The following ETV1 variants were observed in gnomAD, a reference collection of about 807,000 sequenced individuals.
ETV1 encodes the protein ETS variant transcription factor 1, also known as ETS translocation variant 1.
A neutral mutation model predicts 62.3 loss-of-function variants in ETV1; 27 were observed. That is an observed-to-expected ratio of 0.43 (90% CI 0.32 to 0.60). The LOEUF is 0.60. Ranked by LOEUF, ETV1 falls within the 20% of genes least tolerant of loss-of-function variation. The probability of loss-of-function intolerance (pLI) is 0.06; values close to 1 mark genes in which losing one functional copy is unlikely to be tolerated. For missense variants in ETV1, 605 were observed against 605.8 expected (o/e 1.00, Z 0.01); for synonymous variants, 222 against 199.6 (o/e 1.11, Z -0.94).
intron 6 of ETV1, among the ~76,000 whole-genome samples, chr7:13,960,047 T>C (rs1304225005): frequency 6.6e-6 from 1 of 151,890 alleles, no homozygotes; most frequent in Non-Finnish European, 1.5e-5. Flanking sequence ...TTCACAGATC[T>C]GTAATGTATT....
At chr7:13,946,670 G>C (rs187857748) in intron 6 of ETV1, among the ~76,000 whole-genome samples, 1 of 152,122 alleles carries the variant, frequency 6.6e-6, no homozygotes, top group African/African-American at 2.4e-5. Context: ...AAGCAACAAT[G>C]CTGGTATACA....
At chr7:13,982,011 T>C (rs981811493) in intron 5 of ETV1, among the ~76,000 whole-genome samples, 3 of 152,068 alleles carry the variant, frequency 2.0e-5, no homozygotes, top group African/African-American at 7.2e-5. Flanking sequence ...TGCAGAAGTA[T>C]AAACATATTT....
intron 12 of ETV1, among the ~76,000 whole-genome samples, chr7:13,902,037 C>A (rs182653889): frequency 6.6e-6 from 1 of 152,264 alleles, no homozygotes; most frequent in African/African-American, 2.4e-5. Context: ...GCTTTTCCTA[C>A]CCCAGCTAAA....
intron 3 of ETV1, chr7:13,988,595 GAAA>G (rs34468165): frequency 3.8e-4 from 308 of 810,116 alleles, no homozygotes; most frequent in Middle Eastern, 1.2e-3. Flanking sequence ...GTAGAGAAAT[GAAA>G]AAAAAAAAAA....
intron 12 of ETV1, among the ~76,000 whole-genome samples, chr7:13,901,418 A>C (rs1782412056): frequency 6.6e-6 from 1 of 152,196 alleles, no homozygotes; most frequent in Non-Finnish European, 1.5e-5. Flanking sequence ...ATGTTCTTAC[A>C]ACAGGAATGA....
intron 6 of ETV1, among the ~76,000 whole-genome samples, chr7:13,949,259 T>G (rs1256888085): frequency 3.3e-5 from 5 of 151,964 alleles, no homozygotes; most frequent in Admixed American, 2.0e-4. Context: ...GCATGAAAAA[T>G]GCACACAGCC....
At chr7:13,952,584 A>G (rs879356513) in intron 6 of ETV1, among the ~76,000 whole-genome samples, 2 of 152,170 alleles carry the variant, frequency 1.3e-5, no homozygotes, top group African/African-American at 4.8e-5. Flanking sequence ...CGTTAGAAAG[A>G]GGTACATGTA....
chr7:13,912,240 G>A (rs1384517849), intron 9 of ETV1, among the ~76,000 whole-genome samples: 3 of 152,180 alleles, frequency 2.0e-5, no homozygotes, highest in African/African-American at 7.2e-5. Flanking sequence ...CCCAGAGTGG[G>A]AGAAAAGGAG....
intron 12 of ETV1, 47 bp downstream of exon 12, chr7:13,906,381 TTA>T (rs758040765): frequency 3.2e-6 from 4 of 1,247,884 alleles, no homozygotes; most frequent in Non-Finnish European, 3.2e-6. Flanking sequence ...GTCAGTTTCT[TTA>T]TGTTATAACA....
intron 12 of ETV1, among the ~76,000 whole-genome samples, chr7:13,902,378 T>C (rs185397040): frequency 5.9e-5 from 9 of 152,222 alleles, no homozygotes; most frequent in African/African-American, 1.7e-4. Flanking sequence ...CAGTATGTTT[T>C]TTAAGAGTAG....
chr7:13,919,426 A>T, intron 9 of ETV1, among the ~76,000 whole-genome samples: 1 of 151,774 alleles, frequency 6.6e-6, no homozygotes, highest in Admixed American at 6.6e-5. Flanking sequence ...AATACTTTTA[A>T]AGAGAATAGT....
At chr7:13,914,105 G>C (rs1477729338) in intron 9 of ETV1, among the ~76,000 whole-genome samples, 1 of 151,390 alleles carries the variant, frequency 6.6e-6, no homozygotes, top group African/African-American at 2.4e-5. Flanking sequence ...GGCTGGTCTC[G>C]AACTCCTGAC....
intron 5 of ETV1, among the ~76,000 whole-genome samples, chr7:13,979,086 T>C (rs2128503539): frequency 6.6e-6 from 1 of 152,226 alleles, no homozygotes; most frequent in African/African-American, 2.4e-5. Flanking sequence ...GGGTAACAAC[T>C]TCAAAGTTAG....
At chr7:13,943,717 T>A (rs1467829282) in intron 6 of ETV1, among the ~76,000 whole-genome samples, 2 of 152,064 alleles carry the variant, frequency 1.3e-5, no homozygotes, top group Non-Finnish European at 2.9e-5. Context: ...AAACAGATGA[T>A]CTCACAGGTA....
chr7:13,969,765 G>C (rs951085451), intron 6 of ETV1, among the ~76,000 whole-genome samples: 2 of 152,126 alleles, frequency 1.3e-5, no homozygotes, highest in African/African-American at 2.4e-5. Context: ...TATCCAAAAT[G>C]TTTTTCTATC....
intron 6 of ETV1, among the ~76,000 whole-genome samples, chr7:13,951,294 G>A (rs62454586): frequency 0.029 from 4,360 of 152,132 alleles, 69 homozygotes; most frequent in Middle Eastern, 0.062. Flanking sequence ...ACCTGCTCAC[G>A]GGCAATAAGA....
chr7:13,910,034 T>C (rs1783402430), intron 10 of ETV1, among the ~76,000 whole-genome samples: 1 of 152,082 alleles, frequency 6.6e-6, no homozygotes, highest in Admixed American at 6.6e-5. Flanking sequence ...TCGTCTCCTT[T>C]TTTAGATTCA....
intron 12 of ETV1, among the ~76,000 whole-genome samples, chr7:13,905,333 C>A (rs1782850647): frequency 6.6e-6 from 1 of 152,104 alleles, no homozygotes; most frequent in Non-Finnish European, 1.5e-5. Context: ...TTTAAACTTA[C>A]TGAATTTTTC....
intron 5 of ETV1, among the ~76,000 whole-genome samples, chr7:13,979,302 TTG>T (rs1316271767): frequency 1.3e-5 from 2 of 152,020 alleles, no homozygotes; most frequent in Admixed American, 6.6e-5. Context: ...CCACCAACCC[TTG>T]TCTTTCAAGT....
Sources: gnomAD v4.1 joint callset for allele counts (sites outside exome capture counted in the v4.1 genomes callset) on GRCh38, gnomAD v4.1.1 for gene constraint, MANE v1.5 for transcripts, NCBI Gene and HGNC (gene_info 2026-07-23, HGNC 2026-07-21) for gene names.